Variants in NKIRAS1 observed in about 807,000 individuals in gnomAD.
The protein encoded by NKIRAS1 is NFKB inhibitor interacting Ras like 1.
NKIRAS1 carries 16 observed loss-of-function variants against 19.8 expected under a neutral mutation model. The observed-to-expected ratio is 0.81, with a 90% CI of 0.55 to 1.23. NKIRAS1 has a LOEUF of 1.23. Ranked by LOEUF, NKIRAS1 falls within the 50% of genes most tolerant of loss-of-function variation. The pLI is 0.00. For missense variants in NKIRAS1, 184 were observed against 220.0 expected, an observed-to-expected ratio of 0.84 and a Z score of 1.04; for synonymous variants, 88 against 79.0, an observed-to-expected ratio of 1.11 and a Z score of -0.61.
At chr3:23,900,324 G>A (rs1200467264) in intron 4 of NKIRAS1, among the ~76,000 whole-genome samples, 4 of 152,052 alleles carry the variant, frequency 2.6e-5, no homozygotes, top group Non-Finnish European at 4.4e-5. Context: ...AGTCAGACCT[G>A]TATTTCTTGG....
intron 1 of NKIRAS1, among the ~76,000 whole-genome samples, chr3:23,929,318 T>G (rs904824288): frequency 6.6e-6 from 1 of 152,054 alleles, no homozygotes; most frequent in Non-Finnish European, 1.5e-5. Flanking sequence ...GAGCCGAGAT[T>G]ACACCACTGC....
At chr3:23,915,580 G>C (rs879334222) in intron 1 of NKIRAS1, among the ~76,000 whole-genome samples, 1 of 152,078 alleles carries the variant, frequency 6.6e-6, no homozygotes, top group Non-Finnish European at 1.5e-5. Flanking sequence ...TTTTTAAAAT[G>C]TACGCCATAT....
chr3:23,910,753 C>A, intron 3 of NKIRAS1, 58 bp downstream of exon 3: 1 of 1,308,788 alleles, frequency 7.6e-7, no homozygotes, highest in Non-Finnish European at 1.1e-6. Flanking sequence ...GCATGACCAA[C>A]AAAAGACCCC....
intron 3 of NKIRAS1, among the ~76,000 whole-genome samples, chr3:23,903,565 C>G (rs574666334): frequency 7.9e-5 from 12 of 151,904 alleles, no homozygotes; most frequent in Admixed American, 6.6e-4. Context: ...CCTAATCTAT[C>G]AAAAAAATAA....
In NKIRAS1 at chr3:23,893,091, AT is replaced by A; in HGVS notation, c.*3del. On this transcript the variant is annotated 3_prime_UTR_variant, in exon 5 of 5. Coordinates refer to ENST00000425478, the MANE Select transcript of NKIRAS1 (RefSeq NM_020345.4). ...CAACATACAATTGTGGAAATTACTGATTTTTAGTTCTCAGAATTAGAGTTCC... is the reference window on the plus strand; with the variant it reads ...CAACATACAATTGTGGAAATTACTGATTTTAGTTCTCAGAATTAGAGTTCC... 6.5e-7 allele frequency: 1 copy of A among 1,542,726 alleles called. No individual in the cohort carries two copies. The highest frequency in any genetic ancestry group is 8.7e-7 in the Non-Finnish European group (1 of 1,149,238).
chr3:23,942,055 G>C (rs1314537023), intron 1 of NKIRAS1, among the ~76,000 whole-genome samples: 5 of 151,468 alleles, frequency 3.3e-5, no homozygotes, highest in African/African-American at 1.2e-4. Flanking sequence ...CTCAGCTTAC[G>C]ATAAACTCTG....
intron 1 of NKIRAS1, among the ~76,000 whole-genome samples, chr3:23,938,754 C>T (rs926570188): frequency 6.6e-6 from 1 of 152,194 alleles, no homozygotes; most frequent in Non-Finnish European, 1.5e-5. Flanking sequence ...ATTCATGCCA[C>T]ATGTCTTCTG....
At chr3:23,945,598 A>G in intron 1 of NKIRAS1, 2 of 1,160,542 alleles carry the variant, frequency 1.7e-6, no homozygotes, top group Admixed American at 4.7e-5. Context: ...AATGCAGGTA[A>G]GAACCGGACT....
chr3:23,917,905 T>G (rs1377779421), upstream of NKIRAS1: 1 of 1,613,446 alleles, frequency 6.2e-7, no homozygotes, highest in Admixed American at 1.7e-5. Context: ...AAAGAAGCAG[T>G]CTGATGTCAT....
intron 1 of NKIRAS1, among the ~76,000 whole-genome samples, chr3:23,943,157 C>T (rs992953417): frequency 3.3e-5 from 5 of 152,232 alleles, no homozygotes; most frequent in Non-Finnish European, 5.9e-5. Context: ...CCCTAAAAAT[C>T]CTCTGTGCTC....
chr3:23,936,950 G>A (rs1356236798), intron 1 of NKIRAS1, among the ~76,000 whole-genome samples: 1 of 152,228 alleles, frequency 6.6e-6, no homozygotes, highest in Admixed American at 6.5e-5. Context: ...GACTTTCCCA[G>A]TGAGGGAAGA....
At chr3:23,917,043 A>T (rs573783640), upstream of NKIRAS1, 3 of 152,682 alleles carry the variant, frequency 2.0e-5, no homozygotes, top group African/African-American at 7.2e-5. Context: ...GCGATGCCGG[A>T]ACTACATGTC....
intron 4 of NKIRAS1, among the ~76,000 whole-genome samples, chr3:23,894,419 G>A (rs1701778951): frequency 6.6e-6 from 1 of 152,132 alleles, no homozygotes; most frequent in Non-Finnish European, 1.5e-5. Context: ...TTGCTGGCAG[G>A]ATGAAAGTGG....
chr3:23,945,976 C>T (rs1705677770), intron 1 of NKIRAS1: 4 of 449,124 alleles, frequency 8.9e-6, no homozygotes, highest in Non-Finnish European at 1.2e-5. Flanking sequence ...CACGTGAGGC[C>T]GCTCGGCTCC....
intron 1 of NKIRAS1, chr3:23,946,293 C>A (rs1305534874): frequency 4.1e-6 from 4 of 985,392 alleles, no homozygotes; most frequent in African/African-American, 1.7e-5. Context: ...CCAAACGAAC[C>A]GGCGCCTGGG....
chr3:23,944,443 C>A (rs1486780845), intron 1 of NKIRAS1, among the ~76,000 whole-genome samples: 1 of 152,218 alleles, frequency 6.6e-6, no homozygotes, highest in Non-Finnish European at 1.5e-5. Flanking sequence ...CATCTTACTT[C>A]AGTAATGCGT....
intron 1 of NKIRAS1, among the ~76,000 whole-genome samples, chr3:23,911,866 G>A (rs1229453391): frequency 6.6e-6 from 1 of 151,082 alleles, no homozygotes; most frequent in African/African-American, 2.4e-5. Flanking sequence ...AAGGGCAAGC[G>A]ATTCTCCTGC....
chr3:23,940,023 CTAATT>C (rs1484566911), intron 1 of NKIRAS1, among the ~76,000 whole-genome samples: 9 of 151,880 alleles, frequency 5.9e-5, no homozygotes, highest in African/African-American at 2.2e-4. Context: ...TTCATTTTAA[CTAATT>C]TAAATTTAAA....
chr3:23,908,706 G>T (rs1327857933), intron 3 of NKIRAS1, among the ~76,000 whole-genome samples: 1 of 151,778 alleles, frequency 6.6e-6, no homozygotes, highest in Non-Finnish European at 1.5e-5. Flanking sequence ...TTCAGACAGG[G>T]TCTCCTAAGT....
Sources: gnomAD v4.1 joint callset for allele counts (sites outside exome capture counted in the v4.1 genomes callset) on GRCh38, gnomAD v4.1.1 for gene constraint, MANE v1.5 for transcripts, NCBI Gene and HGNC (gene_info 2026-07-23, HGNC 2026-07-21) for gene names.